MYRIP: variants seen among roughly 807,000 people sequenced by gnomAD.
The protein encoded by MYRIP is myosin VIIA and Rab interacting protein, also known as rab effector MyRIP.
MYRIP carries 49 observed loss-of-function variants against 98.0 expected under a neutral mutation model. The ratio of observed to expected loss-of-function variants is 0.50; its 90% CI spans 0.40 to 0.63. The LOEUF (loss-of-function observed/expected upper bound fraction) is 0.63, where lower values mean the gene tolerates loss of function less well. MYRIP is among the 30% of genes least tolerant of loss of function. MYRIP has a pLI of 0.00. For missense variants in MYRIP, 1,004 were observed against 1,058.2 expected, an observed-to-expected ratio of 0.95 and a Z score of 0.71; for synonymous variants, 404 against 409.5, an observed-to-expected ratio of 0.99 and a Z score of 0.16.
At chr3:40,078,001 G>A (rs969067522) in intron 3 of MYRIP, among the ~76,000 whole-genome samples, 10 of 152,354 alleles carry the variant, frequency 6.6e-5, no homozygotes, top group South Asian at 2.1e-4. Flanking sequence ...GGGGAGGGTC[G>A]GCCACACAGG....
At chr3:40,006,806 A>G (rs557556522) in intron 2 of MYRIP, among the ~76,000 whole-genome samples, 1 of 152,238 alleles carries the variant, frequency 6.6e-6, no homozygotes, top group Admixed American at 6.5e-5. Flanking sequence ...TGAATGGAAA[A>G]CTGCTGTGGA....
At chr3:40,030,571 C>T (rs1311530646) in intron 2 of MYRIP, among the ~76,000 whole-genome samples, 1 of 151,918 alleles carries the variant, frequency 6.6e-6, no homozygotes, top group Non-Finnish European at 1.5e-5. Context: ...AAATTAGAAA[C>T]AATGTAAATG....
intron 10 of MYRIP, among the ~76,000 whole-genome samples, chr3:40,203,759 A>T (rs1346356487): frequency 4.8e-4 from 8 of 16,812 alleles, no homozygotes; most frequent in East Asian, 1.5e-3. Context: ...ATTTATATAT[A>T]TTTATATATT....
intron 2 of MYRIP, among the ~76,000 whole-genome samples, chr3:39,913,225 T>C (rs147487993): frequency 8.1e-4 from 124 of 152,270 alleles, no homozygotes; most frequent in Non-Finnish European, 1.3e-3. Flanking sequence ...GATGTTGACT[T>C]CTGTAAGAAA....
intron 3 of MYRIP, among the ~76,000 whole-genome samples, chr3:40,074,425 G>T (rs1948297903): frequency 6.6e-6 from 1 of 152,024 alleles, no homozygotes; most frequent in African/African-American, 2.4e-5. Flanking sequence ...AAATTTTTAA[G>T]AAATAGAGAA....
chr3:40,167,617 G>A (rs1449401492), intron 7 of MYRIP, among the ~76,000 whole-genome samples: 6 of 152,104 alleles, frequency 3.9e-5, no homozygotes, highest in African/African-American at 1.4e-4. Flanking sequence ...TGGAGTTAGT[G>A]CAGACCCCAC....
chr3:40,101,320 A>G (rs934166645), intron 3 of MYRIP, among the ~76,000 whole-genome samples: 3 of 152,092 alleles, frequency 2.0e-5, no homozygotes, highest in African/African-American at 7.2e-5. Context: ...GATCCTTTCT[A>G]TGTGGCTTTT....
intron 11 of MYRIP, among the ~76,000 whole-genome samples, chr3:40,222,748 G>A (rs951514714): frequency 6.6e-6 from 1 of 152,186 alleles, no homozygotes; most frequent in Admixed American, 6.5e-5. Context: ...GATGAGGTCA[G>A]ATCATGAACA....
intron 11 of MYRIP, among the ~76,000 whole-genome samples, chr3:40,216,365 GCATAGATA>G: frequency 6.6e-6 from 1 of 152,306 alleles, no homozygotes; most frequent in Middle Eastern, 3.4e-3. Flanking sequence ...GTAAGAGGAA[GCATAGATA>G]CTGTGACTCT....
At chr3:40,193,526 T>C (rs1575615148) in intron 10 of MYRIP, among the ~76,000 whole-genome samples, 1 of 152,218 alleles carries the variant, frequency 6.6e-6, no homozygotes, top group East Asian at 1.9e-4. Flanking sequence ...GTTTTGATTT[T>C]ATAAACAATA....
chr3:39,973,771 G>C (rs1343118999), intron 2 of MYRIP, among the ~76,000 whole-genome samples: 1 of 152,148 alleles, frequency 6.6e-6, no homozygotes, highest in Non-Finnish European at 1.5e-5. Context: ...CAACTACATG[G>C]AAACTGAACA....
intron 2 of MYRIP, among the ~76,000 whole-genome samples, chr3:39,954,563 G>A (rs148062538): frequency 0.029 from 4,404 of 152,186 alleles, 208 homozygotes; most frequent in African/African-American, 0.1. Flanking sequence ...CAAAGATGGG[G>A]AGAAACCAGA....
intron 2 of MYRIP, among the ~76,000 whole-genome samples, chr3:39,965,413 G>A (rs1478466714): frequency 6.6e-6 from 1 of 152,064 alleles, no homozygotes; most frequent in Non-Finnish European, 1.5e-5. Flanking sequence ...ATGATTTGCT[G>A]TGTCATTTCC....
chr3:39,891,180 C>G (rs1943477677), intron 1 of MYRIP, among the ~76,000 whole-genome samples: 1 of 151,926 alleles, frequency 6.6e-6, no homozygotes, highest in Non-Finnish European at 1.5e-5. Context: ...AACAAGAAAT[C>G]AGCCTGTTTT....
intron 6 of MYRIP, 66 bp from the exon 7 acceptor site, chr3:40,167,093 G>A: frequency 6.5e-7 from 1 of 1,528,558 alleles, no homozygotes; most frequent in Non-Finnish European, 9.1e-7. Context: ...GGACTCTCCT[G>A]GCAAAGTGAC....
rs142324498 is a variant in MYRIP, at chr3:39,830,345, C to T, written c.-31+20429C>T. Among the ~76,000 whole-genome samples the T allele has an allele frequency of 2.5e-3, 381 of 152,308 alleles. 3 individuals carry two copies. The highest frequency in any genetic ancestry group is 7.1e-3 in the African/African-American group (293 of 41,556). Reference sequence around the variant, plus strand: ...AAGAACTTACAGTTAACTGGCCTCACGTGACCATGAACCTCAGGTGGATCC... The same window carrying T: ...AAGAACTTACAGTTAACTGGCCTCATGTGACCATGAACCTCAGGTGGATCC... On this transcript the variant is annotated intron_variant, in intron 1 of 16. Coordinates refer to ENST00000302541, the MANE Select transcript of MYRIP (RefSeq NM_015460.4).
chr3:40,227,748 A>G (rs1410840689), intron 11 of MYRIP, among the ~76,000 whole-genome samples: 1 of 152,176 alleles, frequency 6.6e-6, no homozygotes, highest in African/African-American at 2.4e-5. Flanking sequence ...GCCCATCTCC[A>G]GCCAGGAAGT....
intron 2 of MYRIP, among the ~76,000 whole-genome samples, chr3:39,953,590 T>C (rs568597532): frequency 6.6e-6 from 1 of 152,228 alleles, no homozygotes; most frequent in East Asian, 1.9e-4. Context: ...TAGGAACAGC[T>C]CCAGTCTACA....
At chr3:40,238,063 A>C (rs1952870501) in intron 12 of MYRIP, among the ~76,000 whole-genome samples, 1 of 152,176 alleles carries the variant, frequency 6.6e-6, no homozygotes, top group South Asian at 2.1e-4. Context: ...AGCAGGGACC[A>C]TGGCTGGAAG....
Sources: allele counts gnomAD v4.1 joint callset (sites outside exome capture counted in the v4.1 genomes callset), GRCh38; gene constraint gnomAD v4.1.1; transcripts MANE v1.5; gene names NCBI Gene and HGNC (gene_info 2026-07-23, HGNC 2026-07-21).